Variants in AFF1 observed in about 807,000 individuals in gnomAD.
The protein encoded by AFF1 is AF4/FMR2 family member 1.
Under a neutral mutation model 121.7 loss-of-function variants are expected in AFF1, and 48 were observed. The ratio of observed to expected loss-of-function variants is 0.39; its 90% CI spans 0.31 to 0.50. The LOEUF (loss-of-function observed/expected upper bound fraction) is 0.50, where lower values mean the gene tolerates loss of function less well. Ranked by LOEUF, AFF1 falls within the 20% of genes least tolerant of loss-of-function variation. The pLI, the probability that AFF1 is intolerant of heterozygous loss-of-function variation, is 0.76. For synonymous variants in AFF1, 613 were observed against 563.0 expected (o/e 1.09, Z -1.26); for missense variants, 1,523 against 1,511.7 (o/e 1.01, Z -0.12).
chr4:86,952,343 G>A (rs1338188111), intron 2 of AFF1, among the ~76,000 whole-genome samples: 1 of 152,156 alleles, frequency 6.6e-6, no homozygotes, highest in Non-Finnish European at 1.5e-5. Flanking sequence ...GAAAATTTAA[G>A]GAGCTGAAGT....
intron 2 of AFF1, among the ~76,000 whole-genome samples, chr4:87,042,372 A>G (rs1730247808): frequency 6.6e-6 from 1 of 152,182 alleles, no homozygotes; most frequent in South Asian, 2.1e-4. Context: ...AAAGGAGGCA[A>G]CCCAGAGCAG....
chr4:87,110,174 T>A (rs776554397), intron 11 of AFF1, among the ~76,000 whole-genome samples: 103 of 151,552 alleles, frequency 6.8e-4, no homozygotes, highest in Non-Finnish European at 1.2e-3. Flanking sequence ...TCCTTTTTTT[T>A]ATTTTTTTTT....
chr4:87,058,892 T>C (rs1001284594), intron 4 of AFF1, among the ~76,000 whole-genome samples: 3 of 152,140 alleles, frequency 2.0e-5, no homozygotes, highest in Non-Finnish European at 4.4e-5. Flanking sequence ...GTGGACTGTA[T>C]TGGATGAATT....
At chr4:87,073,425 T>TG (rs1722330014) in intron 4 of AFF1, among the ~76,000 whole-genome samples, 1 of 152,106 alleles carries the variant, frequency 6.6e-6, no homozygotes, top group Non-Finnish European at 1.5e-5. Context: ...CCAGGGTGTT[T>TG]GGGGCTCAGA....
At chr4:87,121,561 A>G (rs923429462) in intron 12 of AFF1, among the ~76,000 whole-genome samples, 2 of 152,028 alleles carry the variant, frequency 1.3e-5, no homozygotes, top group African/African-American at 4.8e-5. Flanking sequence ...GAAGATGACA[A>G]AGTTCTAAGT....
At chr4:86,986,445 G>A (rs534903405) in intron 2 of AFF1, among the ~76,000 whole-genome samples, 72 of 152,176 alleles carry the variant, frequency 4.7e-4, no homozygotes, top group South Asian at 2.1e-3. Flanking sequence ...ATTTAATGAG[G>A]TATAGACTAA....
At chr4:86,986,030 TAATTCAATTC>T (rs879704329) in intron 2 of AFF1, among the ~76,000 whole-genome samples, 7 of 144,046 alleles carry the variant, frequency 4.9e-5, no homozygotes, top group South Asian at 4.4e-4. Flanking sequence ...TTTTAAAATT[TAATTCAATTC>T]AATTTAATTT....
chr4:87,007,410 G>A, intron 2 of AFF1: 1 of 1,614,142 alleles, frequency 6.2e-7, no homozygotes, highest in Middle Eastern at 1.6e-4. Context: ...GCTGAATTAT[G>A]GCAGCCCAGT....
At chr4:87,037,588 C>T (rs1376721568) in intron 2 of AFF1, among the ~76,000 whole-genome samples, 1 of 152,158 alleles carries the variant, frequency 6.6e-6, no homozygotes, top group African/African-American at 2.4e-5. Context: ...GCTGAGATTA[C>T]AGGCATGAAC....
rs1049748287 is a variant in AFF1 at position 86,947,140 on chromosome 4, A to G, written c.-36-1358A>G. Among the ~76,000 whole-genome samples the G allele has an allele frequency of 5.9e-5, 9 of 152,152 alleles. No homozygotes were observed. The East Asian group carries it at 1.7e-3, about 29-fold the overall frequency. On this transcript the variant is annotated intron_variant, in intron 1 of 20. Transcript: ENST00000395146. ...GTGGTGAGGGAAGGGAAGGGAGACTAGTGGGGATTGAGTTGGAGAATTGAG... is the reference window on the plus strand; with the variant it reads ...GTGGTGAGGGAAGGGAAGGGAGACTGGTGGGGATTGAGTTGGAGAATTGAG...
chr4:87,001,355 T>C (rs943542081), intron 2 of AFF1, among the ~76,000 whole-genome samples: 3 of 151,760 alleles, frequency 2.0e-5, no homozygotes, highest in Non-Finnish European at 4.4e-5. Context: ...TAGCTGGGAC[T>C]ACAGGCGCTT....
intron 2 of AFF1, among the ~76,000 whole-genome samples, chr4:87,023,355 T>C (rs1014947376): frequency 6.6e-6 from 1 of 152,198 alleles, no homozygotes; most frequent in Non-Finnish European, 1.5e-5. Context: ...CTTTGTAAAT[T>C]TTAACCTAAT....
chr4:87,039,896 ATATT>A (rs146123050), intron 2 of AFF1, among the ~76,000 whole-genome samples: 1 of 151,548 alleles, frequency 6.6e-6, no homozygotes, highest in African/African-American at 2.4e-5. Flanking sequence ...CACAGTTTTT[ATATT>A]TATTTATTTA....
At chr4:87,071,089 A>G (rs1048767471) in intron 4 of AFF1, among the ~76,000 whole-genome samples, 2 of 151,914 alleles carry the variant, frequency 1.3e-5, no homozygotes, top group East Asian at 1.9e-4. Flanking sequence ...AGTAAGAACT[A>G]TGTTATAAAA....
intron 4 of AFF1, among the ~76,000 whole-genome samples, chr4:87,078,198 C>T (rs1722856612): frequency 1.3e-5 from 2 of 152,200 alleles, no homozygotes; most frequent in East Asian, 1.9e-4. Flanking sequence ...TGTAATGTTT[C>T]CAGGGAGAAA....
At chr4:87,112,912 C>G (rs1008488964) in intron 11 of AFF1, among the ~76,000 whole-genome samples, 7 of 152,270 alleles carry the variant, frequency 4.6e-5, no homozygotes, top group African/African-American at 1.7e-4. Context: ...GTAACTATCA[C>G]TCACTCTGTT....
At chr4:87,054,336 A>G (rs1178678644) in intron 4 of AFF1, among the ~76,000 whole-genome samples, 3 of 152,182 alleles carry the variant, frequency 2.0e-5, no homozygotes, top group Non-Finnish European at 4.4e-5. Flanking sequence ...CAAGGATCAC[A>G]CTGAACTGAT....
chr4:87,013,032 C>CTTTTTTTTTGTTTTTTTT (rs1391718271), intron 2 of AFF1, among the ~76,000 whole-genome samples: 2 of 93,512 alleles, frequency 2.1e-5, no homozygotes, highest in Admixed American at 1.2e-4. Flanking sequence ...CTATCAAGTT[C>CTTTTTTTTTGTTTTTTTT]TTTTTTTTTT....
intron 4 of AFF1, among the ~76,000 whole-genome samples, chr4:87,058,312 C>A (rs973524791): frequency 6.6e-6 from 1 of 152,070 alleles, no homozygotes; most frequent in African/African-American, 2.4e-5. Flanking sequence ...GCTGTTTTTC[C>A]ACATGGCCTT....
Sources: allele counts gnomAD v4.1 joint callset (sites outside exome capture counted in the v4.1 genomes callset), GRCh38; gene constraint gnomAD v4.1.1; transcripts MANE v1.5; gene names NCBI Gene and HGNC (gene_info 2026-07-23, HGNC 2026-07-21).